NFATC1: variants seen among roughly 807,000 people sequenced by gnomAD.
NFATC1 encodes nuclear factor of activated T cells 1, also known as nuclear factor of activated T-cells, cytoplasmic 1.
A neutral mutation model predicts 76.0 loss-of-function variants in NFATC1; 22 were observed. That is an observed-to-expected ratio of 0.29 (90% CI 0.21 to 0.41). The LOEUF is 0.41. NFATC1 is among the 10% of genes least tolerant of loss of function. The probability of loss-of-function intolerance (pLI) is 1.00; values close to 1 mark genes in which losing one functional copy is unlikely to be tolerated. For synonymous variants in NFATC1, 704 were observed against 613.1 expected, an observed-to-expected ratio of 1.15 and a Z score of -2.19; for missense variants, 1,357 against 1,337.7, an observed-to-expected ratio of 1.01 and a Z score of -0.23.
chr18:79,425,629 GA>G (rs1568945525), intron 2 of NFATC1, among the ~76,000 whole-genome samples: 1 of 152,220 alleles, frequency 6.6e-6, no homozygotes. Flanking sequence ...TTCTGCTGCC[GA>G]GGGCGCGATT....
At chr18:79,469,988 TTAAA>T (rs1487802452) in intron 8 of NFATC1, 4 of 985,358 alleles carry the variant, frequency 4.1e-6, no homozygotes, top group East Asian at 1.1e-4. Flanking sequence ...AGTGTGGTTG[TTAAA>T]TAAATAATGA....
intron 6 of NFATC1, 91 bp downstream of exon 6, chr18:79,451,907 C>T (rs1316928758): frequency 9.5e-6 from 14 of 1,467,344 alleles, no homozygotes; most frequent in Admixed American, 2.1e-5. Context: ...CACCTGTGCA[C>T]GGTCACCGGG....
chr18:79,447,089 G>GT (rs2087240159), intron 3 of NFATC1, among the ~76,000 whole-genome samples: 1 of 152,120 alleles, frequency 6.6e-6, no homozygotes, highest in Non-Finnish European at 1.5e-5. Context: ...TCGCTTCACT[G>GT]TGGCCTCCTC....
chr18:79,526,407 G>C (rs1331420175), intron 9 of NFATC1, among the ~76,000 whole-genome samples: 4 of 152,366 alleles, frequency 2.6e-5, no homozygotes, highest in African/African-American at 9.6e-5. Flanking sequence ...AGCAGGGCCT[G>C]CGGGGAGCCC....
At chr18:79,405,654 C>T (rs552541915) in intron 1 of NFATC1, among the ~76,000 whole-genome samples, 11 of 152,350 alleles carry the variant, frequency 7.2e-5, no homozygotes, top group Non-Finnish European at 1.0e-4. Flanking sequence ...ATCCACTACC[C>T]GCCCTCCAAG....
rs1161718362 is a variant in NFATC1 at position 79,483,721 on chromosome 18, A to G, written c.2093-2527A>G. On this transcript the variant is annotated intron_variant, in intron 8 of 9. Transcript: ENST00000427363. ...GACCTTGTTCCTGGGGTGTAATTCC[A>G]GCGTGACCTGGTCCTGGGGTGTCAC... 5.9e-4 allele frequency among the ~76,000 whole-genome samples: 66 copies of G among 111,440 alleles called. 1 individual carries two copies. The highest frequency in any genetic ancestry group is 1.4e-3 in the African/African-American group (38 of 27,600). 73.1% of individuals were successfully genotyped at this position (111,440 alleles called of 152,430 possible).
intron 9 of NFATC1, among the ~76,000 whole-genome samples, chr18:79,489,068 C>T (rs1257322563): frequency 6.6e-6 from 1 of 152,232 alleles, no homozygotes; most frequent in Non-Finnish European, 1.5e-5. Flanking sequence ...TCCCTTTACC[C>T]AGCCCGTTAC....
chr18:79,501,201 A>G (rs2090005243), intron 9 of NFATC1, among the ~76,000 whole-genome samples: 1 of 152,244 alleles, frequency 6.6e-6, no homozygotes, highest in East Asian at 1.9e-4. Flanking sequence ...GTGATGTACC[A>G]TATTAATAGA....
chr18:79,482,671 G>A (rs1208135467), intron 8 of NFATC1, among the ~76,000 whole-genome samples: 4 of 128,472 alleles, frequency 3.1e-5, no homozygotes, highest in African/African-American at 5.4e-5. Context: ...AGCGTGACCT[G>A]GTCCTGGGGT....
At chr18:79,412,743 T>C (rs2085739995) in intron 2 of NFATC1, among the ~76,000 whole-genome samples, 2 of 152,342 alleles carry the variant, frequency 1.3e-5, no homozygotes, top group Admixed American at 6.5e-5. Context: ...GAGCTGACAG[T>C]TCTTTGAGCA....
chr18:79,400,343 C>T (rs1306139858), intron 1 of NFATC1: 13 of 1,385,012 alleles, frequency 9.4e-6, no homozygotes, highest in Admixed American at 3.0e-5. Flanking sequence ...GAACCGAACC[C>T]CTGGCGGCCG....
At chr18:79,418,865 T>C (rs898339877) in intron 2 of NFATC1, among the ~76,000 whole-genome samples, 2 of 152,172 alleles carry the variant, frequency 1.3e-5, no homozygotes, top group Non-Finnish European at 2.9e-5. Context: ...GTGAGGAGGC[T>C]GCGGAGGCCG....
chr18:79,398,686 T>C (rs2085082541), intron 1 of NFATC1, among the ~76,000 whole-genome samples: 1 of 152,226 alleles, frequency 6.6e-6, no homozygotes, highest in African/African-American at 2.4e-5. Flanking sequence ...CGGGACAGTT[T>C]AGCAAAAAGT....
Position 79,410,140 on chromosome 18 carries a change from C to T in NFATC1, c.128-263C>T, listed in dbSNP as rs372997109. 3.0e-5 allele frequency: 23 copies of T among 757,386 alleles called. No individual in the cohort carries two copies. The highest frequency in any genetic ancestry group is 6.8e-5 in the African/African-American group (4 of 58,920). 46.9% of individuals were successfully genotyped at this position (757,386 alleles called of 1,614,324 possible). On this transcript the variant is annotated intron_variant, in intron 1 of 9. Coordinates refer to ENST00000427363, the MANE Select transcript of NFATC1 (RefSeq NM_001278669.2). This position sits in a 1 kb window ranked among gnomAD's most constrained non-coding sequence, Gnocchi z 6.7. Reference sequence around the variant, plus strand: ...GCCGCCTCTCCCTGGGAAGGACGTTCGGGGGCTTGTGCTGCTGTTAGGGGA... The same window carrying T: ...GCCGCCTCTCCCTGGGAAGGACGTTTGGGGGCTTGTGCTGCTGTTAGGGGA...
rs1442224583 is a variant in NFATC1, at chr18:79,396,290, G to A, written c.66G>A (p.Gly22=). The A allele has an allele frequency of 6.9e-7, 1 of 1,456,748 alleles. No individual in the cohort carries two copies. The highest frequency in any genetic ancestry group is 9.1e-7 in the Non-Finnish European group (1 of 1,093,292). The allele number at this position is 1,456,748 out of a possible 1,614,324, so 90.2% of individuals were successfully genotyped here. Residue 22 remains glycine, a synonymous_variant, in exon 1 of 10, where the codon GGG becomes GGA. Transcript: ENST00000427363. ...TTGGCCCTGCGGCTGCGGTCTTCGG[G>A]AGAGGAGAAACTTTGGGGCCCGCGC... is the stretch of plus-strand genomic sequence containing the variant. ...FPLGPAAAVF[G]RGETLGPAPR... is the part of the protein sequence containing the mutation.
intron 8 of NFATC1, among the ~76,000 whole-genome samples, chr18:79,473,080 T>C (rs757369587): frequency 9.2e-5 from 14 of 152,258 alleles, no homozygotes; most frequent in Non-Finnish European, 1.5e-4. Flanking sequence ...TGCCGCAGCT[T>C]AGAAGTCCTA....
chr18:79,423,200 C>T (rs1316174949), intron 2 of NFATC1, among the ~76,000 whole-genome samples: 3 of 152,168 alleles, frequency 2.0e-5, no homozygotes, highest in Non-Finnish European at 4.4e-5. Context: ...AGCCACGGGA[C>T]GCCATCAGTT....
At chr18:79,400,305 C>T (rs1600572967) in intron 1 of NFATC1, 6 of 1,281,708 alleles carry the variant, frequency 4.7e-6, no homozygotes, top group Non-Finnish European at 5.9e-6. Flanking sequence ...GGTCACGTTA[C>T]GCGGAGGACG....
chr18:79,397,858 G>A lies in NFATC1; in HGVS notation c.127+1507G>A, dbSNP rs555373517. Among the ~76,000 whole-genome samples, 8 of 152,320 alleles carry A rather than the reference G, an allele frequency of 5.3e-5. No homozygotes were observed. In the South Asian group the frequency reaches 1.7e-3, roughly 32 times the overall value. ...TCGTGTTTCCTACTGAAGAAAATAA[G>A]CTCGAAAAGGTCCCTGCTGCAAGGC... On this transcript the variant is annotated intron_variant, in intron 1 of 9. Coordinates refer to ENST00000427363, the MANE Select transcript of NFATC1 (RefSeq NM_001278669.2).
Sources: allele counts gnomAD v4.1 joint callset (sites outside exome capture counted in the v4.1 genomes callset), GRCh38; gene constraint gnomAD v4.1.1; non-coding constraint Gnocchi (gnomAD v3.1); transcripts MANE v1.5; gene names NCBI Gene and HGNC (gene_info 2026-07-23, HGNC 2026-07-21).